Variants in TRIM14 observed in about 807,000 individuals in gnomAD.
TRIM14 encodes the protein tripartite motif-containing protein 14.
In TRIM14, 28 loss-of-function variants were observed where a neutral mutation model predicts 44.5. That is an observed-to-expected ratio of 0.63 (90% CI 0.47 to 0.86). TRIM14 has a LOEUF of 0.86. TRIM14 is among the 40% of genes least tolerant of loss of function. The probability of loss-of-function intolerance (pLI) is 0.00; values close to 1 mark genes in which losing one functional copy is unlikely to be tolerated. For synonymous variants in TRIM14, 299 were observed against 269.2 expected (o/e 1.11, Z -1.08); for missense variants, 607 against 611.1 (o/e 0.99, Z 0.07).
In TRIM14 at chr9:98,070,914, C is replaced by T. The variant is rs138431242; in HGVS notation, c.*29-1227G>A. On this transcript the variant is annotated intron_variant, in intron 6 of 6. Transcript: ENST00000375098. ...GCAGCCTTGACGGCCCAGGCTCAAGCGATCCTCCCACCTCAGCCTTCTTAG... is the reference window on the plus strand; with the variant it reads ...GCAGCCTTGACGGCCCAGGCTCAAGTGATCCTCCCACCTCAGCCTTCTTAG... Among the ~76,000 whole-genome samples, 28 of 151,540 alleles carry T rather than the reference C, an allele frequency of 1.8e-4. No individual in the cohort carries two copies. In the East Asian group the frequency reaches 5.0e-3, roughly 27 times the overall value.
chr9:98,047,471 G>A, the TRIM14 span, among the ~76,000 whole-genome samples: 4 of 152,078 alleles, frequency 2.6e-5, no homozygotes, highest in Non-Finnish European at 4.4e-5. Flanking sequence ...GACTCCTTGG[G>A]TAAAACAGGA....
chr9:98,098,839 G>A (rs1364044427), intron 3 of TRIM14, among the ~76,000 whole-genome samples: 1 of 152,036 alleles, frequency 6.6e-6, no homozygotes, highest in Non-Finnish European at 1.5e-5. Context: ...GGCCTGGAGT[G>A]CAGTGGCATG....
intron 6 of TRIM14, chr9:98,074,704 G>A (rs1412303400): frequency 6.6e-6 from 1 of 152,066 alleles, no homozygotes; most frequent in East Asian, 1.9e-4. Flanking sequence ...TTCACAAGGT[G>A]TTTTTCTGCA....
chr9:98,056,139 C>G, the TRIM14 span, among the ~76,000 whole-genome samples: 1 of 152,192 alleles, frequency 6.6e-6, no homozygotes, highest in Non-Finnish European at 1.5e-5. Context: ...AGTGCAACTT[C>G]TCGAACCTGT....
chr9:98,056,957 C>G, the TRIM14 span: 1 of 1,561,320 alleles, frequency 6.4e-7, no homozygotes, highest in African/African-American at 1.4e-5. Context: ...CGGCAGCTCC[C>G]GGGACCCGGG....
chr9:98,061,158 G>A, the TRIM14 span: 1 of 656,460 alleles, frequency 1.5e-6, no homozygotes, highest in African/African-American at 1.8e-5. Context: ...GAGAATCTGT[G>A]GGAAGGATGC....
Position 98,078,361 on chromosome 9 carries a change from A to AG in TRIM14, c.*29-8675dup. 6.2e-7 allele frequency: 1 copy of AG among 1,611,150 alleles called. No homozygotes were observed. The highest frequency in any genetic ancestry group is 8.5e-7 in the Non-Finnish European group (1 of 1,178,488). On this transcript the variant is annotated intron_variant, in intron 6 of 6. Coordinates refer to the TRIM14 transcript ENST00000375098. The stretch of plus-strand genomic sequence containing the variant: ...CGGGTCATCTCGGTGAGCAGGAGGG[A>AG]GGGGGTTCCCTTCTTGGGCCATTTA...
the TRIM14 span, among the ~76,000 whole-genome samples, chr9:98,057,919 C>G: frequency 1.1e-5 from 1 of 90,110 alleles, no homozygotes; most frequent in Non-Finnish European, 2.1e-5. Flanking sequence ...TTTTTTTTTC[C>G]TGGTTTTTTT....
chr9:98,070,537 C>T (rs964594277), intron 6 of TRIM14, among the ~76,000 whole-genome samples: 1 of 152,150 alleles, frequency 6.6e-6, no homozygotes, highest in African/African-American at 2.4e-5. Flanking sequence ...TCTTGTGCCT[C>T]AGCCTCCTGA....
chr9:98,099,523 A>G (rs1349086991), intron 3 of TRIM14, among the ~76,000 whole-genome samples: 1 of 151,502 alleles, frequency 6.6e-6, no homozygotes, highest in African/African-American at 2.4e-5. Flanking sequence ...GTTTAGAGTC[A>G]GACAGACCTA....
At chr9:98,098,074 T>A (rs1826248646) in intron 3 of TRIM14, among the ~76,000 whole-genome samples, 1 of 152,212 alleles carries the variant, frequency 6.6e-6, no homozygotes, top group South Asian at 2.1e-4. Flanking sequence ...TATTTGTCTG[T>A]CTTATTTTCC....
intron 2 of TRIM14, among the ~76,000 whole-genome samples, chr9:98,109,678 A>C (rs1267936125): frequency 6.6e-6 from 1 of 152,150 alleles, no homozygotes; most frequent in Admixed American, 6.5e-5. Flanking sequence ...AGGGCCCCTC[A>C]CTTGCAGAGC....
At chr9:98,060,592 C>G in the TRIM14 span, among the ~76,000 whole-genome samples, 1 of 152,082 alleles carries the variant, frequency 6.6e-6, no homozygotes, top group Non-Finnish European at 1.5e-5. Flanking sequence ...ATGGCTTGAA[C>G]CCGGGAGGCA....
chr9:98,101,385 T>C (rs976917847), intron 2 of TRIM14, among the ~76,000 whole-genome samples: 1 of 152,172 alleles, frequency 6.6e-6, no homozygotes, highest in African/African-American at 2.4e-5. Flanking sequence ...GTAGGGTCTA[T>C]TGGTACTTCG....
At chr9:98,036,555 A>C in the TRIM14 span, among the ~76,000 whole-genome samples, 1 of 150,664 alleles carries the variant, frequency 6.6e-6, no homozygotes. Flanking sequence ...TAATCCCAGC[A>C]CTTTGGGAGG....
the TRIM14 span, among the ~76,000 whole-genome samples, chr9:98,058,591 C>T: frequency 2.6e-5 from 4 of 152,082 alleles, no homozygotes; most frequent in Admixed American, 6.6e-5. Flanking sequence ...CTTGGAATGC[C>T]GAAGTTGTAG....
chr9:98,056,752 C>G, the TRIM14 span: 1 of 1,573,806 alleles, frequency 6.4e-7, no homozygotes, highest in Non-Finnish European at 8.6e-7. Context: ...GTAGAGGCGG[C>G]GGCGGCGGCG....
Position 98,118,995 on chromosome 9 carries a change from G to A in TRIM14, c.194C>T (p.Ala65Val). 1.3e-6 allele frequency: 2 copies of A among 1,550,850 alleles called. No homozygotes were observed. The highest frequency in any genetic ancestry group is 1.2e-5 in the South Asian group (1 of 86,090). ...GHPVGLALEA[A>V]VHVQKLSQEC... ...CATCGTCCCCACCTGCACGTGCACC[G>A]CTGCCTCCAGCGCCAGGCCCACAGG... Residue 65 changes from alanine (A) to valine (V), a missense_variant, in exon 1 of 6, where the codon GCG becomes GTG. Physicochemically the swap from Ala to Val is moderately conservative, Grantham distance 64. This residue lies in a region of TRIM14 where 246 missense variants were observed against 270.8 expected (regional missense o/e 0.91). Coordinates refer to ENST00000341469, the MANE Select transcript of TRIM14 (RefSeq NM_014788.4).
chr9:98,037,291 T>C, the TRIM14 span, among the ~76,000 whole-genome samples: 1 of 152,130 alleles, frequency 6.6e-6, no homozygotes, highest in East Asian at 1.9e-4. Flanking sequence ...AGCAGGAGAA[T>C]TGATCAAACC....
Sources: gnomAD v4.1 joint callset for allele counts (sites outside exome capture counted in the v4.1 genomes callset) on GRCh38, gnomAD v4.1.1 for gene constraint, gnomAD v4.1.1 regional missense constraint, MANE v1.5 for transcripts, NCBI Gene and HGNC (gene_info 2026-07-23, HGNC 2026-07-21) for gene names.